The following KDM5A variants were observed in gnomAD, a reference collection of about 807,000 sequenced individuals.
The protein encoded by KDM5A is lysine demethylase 5A.
KDM5A carries 42 observed loss-of-function variants against 193.5 expected under a neutral mutation model. The observed-to-expected ratio is 0.22, with a 90% confidence interval of 0.17 to 0.28. The LOEUF (loss-of-function observed/expected upper bound fraction) is 0.28, where lower values mean the gene tolerates loss of function less well. Ranked by LOEUF, KDM5A falls within the 10% of genes least tolerant of loss-of-function variation. The pLI, the probability that KDM5A is intolerant of heterozygous loss-of-function variation, is 1.00. For synonymous variants in KDM5A, 796 were observed against 718.1 expected (o/e 1.11, Z -1.73); for missense variants, 1,692 against 2,055.1 (o/e 0.82, Z 3.42).
At position 322,532 on chromosome 12, in the gene KDM5A, C is replaced by G. The variant is rs961046952; in HGVS notation, c.2311G>C (p.Glu771Gln). ...IELRVMLEDA[E>Q]DRKYPENDLF... Reference sequence around the variant, plus strand: ...TCATTCTCTGGGTATTTCCTATCCTCAGCATCTTCCAGCATTACTCGCAAT... The same window carrying G: ...TCATTCTCTGGGTATTTCCTATCCTGAGCATCTTCCAGCATTACTCGCAAT... Residue 771 changes from glutamate (E) to glutamine (Q), a missense_variant, in exon 17 of 28, where the codon GAG becomes CAG. By Grantham distance (29) the Glu-to-Gln change is conservative. Transcript: ENST00000399788. 1 of 1,612,666 alleles carries G rather than the reference C, an allele frequency of 6.2e-7. No individual in the cohort carries two copies. The highest frequency in any genetic ancestry group is 8.5e-7 in the Non-Finnish European group (1 of 1,179,200).
chr12:310,982 A>C lies in KDM5A; in HGVS notation c.3119T>G (p.Leu1040Arg). Residue 1040 changes from leucine (L) to arginine (R), a missense_variant, in exon 21 of 28, where the codon CTG becomes CGG. Physicochemically the swap from Leu to Arg is moderately radical, Grantham distance 102. Coordinates refer to ENST00000399788, the MANE Select transcript of KDM5A (RefSeq NM_001042603.3). ...GRPIPVRLEA[L>R]PQVESQVAAA... ...TGCTACCTGTGATTCCACTTGCGGC[A>C]GTGCTTCAAGACGCACAGGAATAGG... 1 of 1,614,222 alleles carries C rather than the reference A, an allele frequency of 6.2e-7. No individual in the cohort carries two copies. Among genetic ancestry groups the C allele is most frequent in the Non-Finnish European group, 8.5e-7 (1 of 1,180,030 alleles).
At position 325,360 on chromosome 12, in the gene KDM5A, C is replaced by T. The variant is rs1231883377; in HGVS notation, c.1969-1579G>A. Reference sequence around the variant, plus strand: ...ATTTCCCAAAGTGTACTCCAAGGATCGGATCCTAAAAGACACTCTGGAAAA... The same window carrying T: ...ATTTCCCAAAGTGTACTCCAAGGATTGGATCCTAAAAGACACTCTGGAAAA... On this transcript the variant is annotated intron_variant, in intron 14 of 27. Transcript: ENST00000399788. Among the ~76,000 whole-genome samples, 5 of 152,174 alleles carry T rather than the reference C, an allele frequency of 3.3e-5. No individual in the cohort carries two copies. The East Asian group carries it at 9.6e-4, about 29-fold the overall frequency.
chr12:308,397 A>G (rs1439085450), intron 22 of KDM5A, among the ~76,000 whole-genome samples: 1 of 152,200 alleles, frequency 6.6e-6, no homozygotes, highest in Non-Finnish European at 1.5e-5. Context: ...ATTAAATAAG[A>G]TAACATATGA....
At position 306,965 on chromosome 12, in the gene KDM5A, G is replaced by C; in HGVS notation, c.4055C>G (p.Thr1352Arg). The stretch of plus-strand genomic sequence containing the variant: ...AACTACCTTCATGTCGTAGCCATAT[G>C]TCTCTCGAATGTCTTCATCAGAGTC... ...ETDSDEDIRETYGYDMKDTAS... is the reference protein window; with the variant it reads ...ETDSDEDIRERYGYDMKDTAS... Residue 1352 changes from threonine to arginine, a missense_variant, in exon 24 of 28, where the codon ACA becomes AGA. Thr to Arg is a moderately conservative substitution (Grantham distance 71, BLOSUM62 -1). Transcript: ENST00000399788. The C allele has an allele frequency of 6.2e-7, 1 of 1,612,794 alleles. No homozygotes were observed. The highest frequency in any genetic ancestry group is 8.5e-7 in the Non-Finnish European group (1 of 1,179,848).
At chr12:385,403 A>G (rs1944627743) in intron 2 of KDM5A, among the ~76,000 whole-genome samples, 1 of 151,968 alleles carries the variant, frequency 6.6e-6, no homozygotes, top group African/African-American at 2.4e-5. Context: ...AATTAGTAAT[A>G]CTTAAAGTAA....
intron 25 of KDM5A, among the ~76,000 whole-genome samples, chr12:296,631 G>C (rs1266631884): frequency 2.0e-5 from 3 of 152,116 alleles, no homozygotes; most frequent in African/African-American, 7.2e-5. Flanking sequence ...TAACATCACA[G>C]AGAAAATCAC....
At chr12:332,736 TGTTA>T (rs1166358616) in intron 12 of KDM5A, among the ~76,000 whole-genome samples, 6 of 152,208 alleles carry the variant, frequency 3.9e-5, no homozygotes, top group African/African-American at 9.6e-5. Flanking sequence ...CCTTATTAGT[TGTTA>T]GTTATTAGGA....
rs907600609 is a variant in KDM5A at position 292,910 on chromosome 12, T to G, written c.4715A>C (p.Lys1572Thr). Residue 1572 changes from lysine to threonine, a missense_variant, in exon 27 of 28, where the codon AAA becomes ACA. Transcript: ENST00000399788. ...AGTGCTCTCTTTCACAAGTTCAACT[T>G]TGGCTGCAGCAGCCTTCTCCTTCTT... ...KKKKEKAAAA[K>T]VELVKESTEK... 3.1e-6 allele frequency: 5 copies of G among 1,614,052 alleles called. No individual in the cohort carries two copies. The highest frequency in any genetic ancestry group is 4.2e-6 in the Non-Finnish European group (5 of 1,180,030).
intron 20 of KDM5A, 67 bp downstream of exon 20, chr12:312,989 A>C: frequency 7.0e-7 from 1 of 1,438,378 alleles, no homozygotes. Context: ...AAGAATTAAT[A>C]GTTTAAAAGA....
rs1342496574 is a variant in KDM5A, at chr12:331,936, C to A, written c.1656G>T (p.Val552=). Residue 552 remains valine, a splice_region_variant and synonymous_variant, in exon 13 of 28, where the codon GTG becomes GTT. Coordinates refer to ENST00000399788, the MANE Select transcript of KDM5A (RefSeq NM_001042603.3). ...PNVLMEHGVP[V]YRTNQCAGEF... Reference sequence around the variant, plus strand: ...CGCCAGCACACTGATTGGTCCTGTACACCTAAATGCAAATTGGGAACAGGG... The same window carrying A: ...CGCCAGCACACTGATTGGTCCTGTAAACCTAAATGCAAATTGGGAACAGGG... 1 of 1,613,654 alleles carries A rather than the reference C, an allele frequency of 6.2e-7. No homozygotes were observed.
rs370760873 is a variant in KDM5A, at chr12:311,019, C to T, written c.3082G>A (p.Ala1028Thr). The T allele has an allele frequency of 3.1e-6, 5 of 1,614,212 alleles. No individual in the cohort carries two copies. Among genetic ancestry groups the T allele is most frequent in the Non-Finnish European group, 4.2e-6 (5 of 1,180,022 alleles). ...AYLEQLESLSAKGRPIPVRLE... is the reference protein window; with the variant it reads ...AYLEQLESLSTKGRPIPVRLE... ...CGCACAGGAATAGGGCGTCCTTTCG[C>T]AGACAAGCTCTCAAGCTGCTCCAAA... Residue 1028 changes from alanine to threonine, a missense_variant, in exon 21 of 28, where the codon GCG becomes ACG. Ala to Thr is a moderately conservative substitution (Grantham distance 58, BLOSUM62 0). This residue lies in a region of KDM5A where 965 missense variants were observed against 1,061.0 expected (regional missense o/e 0.91). Transcript: ENST00000399788.
At chr12:316,655 C>T (rs1028334216) in intron 19 of KDM5A, among the ~76,000 whole-genome samples, 9 of 152,196 alleles carry the variant, frequency 5.9e-5, no homozygotes, top group African/African-American at 1.9e-4. Context: ...AGTTATTTAG[C>T]TTTGTCCACT....
At chr12:301,965 A>G (rs1308887432) in intron 24 of KDM5A, among the ~76,000 whole-genome samples, 5 of 152,144 alleles carry the variant, frequency 3.3e-5, no homozygotes, top group African/African-American at 4.8e-5. Flanking sequence ...CAACTTACAA[A>G]GGATGTGAAG....
At position 389,199 on chromosome 12, in the gene KDM5A, T is replaced by C. The variant is rs1179177453; in HGVS notation, c.-108A>G. Reference sequence around the variant, plus strand: ...CCCCTGACAGAGGCCGAAGCGCATCTTCGCGGACAAGAACCGTTCAACACA... The same window carrying C: ...CCCCTGACAGAGGCCGAAGCGCATCCTCGCGGACAAGAACCGTTCAACACA... On this transcript the variant is annotated 5_prime_UTR_variant, in exon 1 of 28. Transcript: ENST00000399788. The C allele has an allele frequency of 1.9e-6, 2 of 1,048,368 alleles. No individual in the cohort carries two copies. The highest frequency in any genetic ancestry group is 3.1e-5 in the African/African-American group (2 of 65,464). 64.9% of individuals were successfully genotyped at this position (1,048,368 alleles called of 1,614,324 possible). A position where few individuals can be genotyped will look rare whatever the true frequency, so the allele number is the denominator to read the frequency against.
At chr12:308,354 GAAT>G (rs1428315738) in intron 22 of KDM5A, among the ~76,000 whole-genome samples, 2 of 152,154 alleles carry the variant, frequency 1.3e-5, no homozygotes, top group Non-Finnish European at 2.9e-5. Flanking sequence ...TGAAAAATGA[GAAT>G]ACTACCAACC....
At position 310,896 on chromosome 12, in the gene KDM5A, T is replaced by C; in HGVS notation, c.3205A>G (p.Thr1069Ala). The change falls in exon 21 of 28, where the codon ACA becomes GCA. Residue 1069 changes from threonine to alanine, a missense_variant. By Grantham distance (58) the Thr-to-Ala change is moderately conservative. Coordinates refer to ENST00000399788, the MANE Select transcript of KDM5A (RefSeq NM_001042603.3). ...RTFLKKNSSH[T>A]LLQVLSPRTD... ...TGAAGTTCAAGTACCTGTAACAATG[T>C]ATGGCTAGAATTCTTCTTAAGAAAC... 2 of 1,614,186 alleles carry C rather than the reference T, an allele frequency of 1.2e-6. No homozygotes were observed. Among genetic ancestry groups the C allele is most frequent in the Non-Finnish European group, 1.7e-6 (2 of 1,180,020 alleles).
intron 19 of KDM5A, 107 bp downstream of exon 19, chr12:317,999 C>CAAA: frequency 9.3e-6 from 7 of 754,942 alleles, no homozygotes; most frequent in African/African-American, 1.9e-5. Flanking sequence ...ATCCTAAACG[C>CAAA]AAAAAAAAAA....
chr12:363,184 G>A (rs1944313925), intron 4 of KDM5A, 87 bp from the exon 5 acceptor site: 1 of 1,475,396 alleles, frequency 6.8e-7, no homozygotes, highest in Non-Finnish European at 9.5e-7. Context: ...AATTGCCAAT[G>A]AATCCCTAAA....
At chr12:357,156 C>G (rs1395410365) in intron 5 of KDM5A, among the ~76,000 whole-genome samples, 2 of 152,056 alleles carry the variant, frequency 1.3e-5, no homozygotes, top group Admixed American at 1.3e-4. Flanking sequence ...TGGTGTGCAT[C>G]TGTAGTCCCA....
Sources: allele counts gnomAD v4.1 joint callset (sites outside exome capture counted in the v4.1 genomes callset), GRCh38; gene constraint gnomAD v4.1.1; regional missense constraint gnomAD v4.1.1; transcripts MANE v1.5; gene names NCBI Gene and HGNC (gene_info 2026-07-23, HGNC 2026-07-21).